The following ATP6V0A1 variants were observed in gnomAD, a reference collection of about 807,000 sequenced individuals.
ATP6V0A1 encodes the protein ATPase H+ transporting V0 subunit a1, also known as V-type proton ATPase 116 kDa subunit a 1.
A neutral mutation model predicts 105.4 loss-of-function variants in ATP6V0A1; 43 were observed. That is an observed-to-expected ratio of 0.41 (90% CI 0.32 to 0.53). The LOEUF is 0.53. Among genes scored for constraint, ATP6V0A1 ranks in the 20% least tolerant of loss-of-function variants. The pLI is 0.30. For synonymous variants in ATP6V0A1, 362 were observed against 372.8 expected (o/e 0.97, Z 0.33); for missense variants, 676 against 1,051.1 (o/e 0.64, Z 4.93).
rs201584527 is a variant in ATP6V0A1, at chr17:42,487,205, T to A, written c.861T>A (p.Ala287=). Reference sequence around the variant, plus strand: ...GCCAGAGGGTTCTGCAGGCAGCTGCTAAGAACATCCGTGTCTGGTTCATCA... The same window carrying A: ...GCCAGAGGGTTCTGCAGGCAGCTGCAAAGAACATCCGTGTCTGGTTCATCA... ...DHRQRVLQAA[A]KNIRVWFIKV... Residue 287 remains alanine, a synonymous_variant, in exon 10 of 22, where the codon GCT becomes GCA. Coordinates refer to ENST00000343619, the MANE Select transcript of ATP6V0A1 (RefSeq NM_001130021.3). The A allele has an allele frequency of 6.2e-7, 1 of 1,614,150 alleles. No individual in the cohort carries two copies. The highest frequency in any genetic ancestry group is 1.1e-5 in the South Asian group (1 of 91,080).
At chr17:42,493,579 C>G (rs1005721585) in intron 11 of ATP6V0A1, among the ~76,000 whole-genome samples, 3 of 151,968 alleles carry the variant, frequency 2.0e-5, no homozygotes, top group African/African-American at 7.3e-5. Context: ...GAGGATTGCT[C>G]AAGGCCACAA....
rs2092831732 is a variant in ATP6V0A1, at chr17:42,521,521, GTTT to G, written c.*402_*404del. On this transcript the variant is annotated 3_prime_UTR_variant, in exon 22 of 22. Transcript: ENST00000343619. The surrounding 1 kb of genome is among the most constrained non-coding windows in gnomAD (Gnocchi z 4.8). Reference sequence around the variant, plus strand: ...TGAGTTCCCTGCATCTGCCACCGTAGTTTCTAGCAGGAGTAGTGGGGGGAGTAA... The same window carrying G: ...TGAGTTCCCTGCATCTGCCACCGTAGCTAGCAGGAGTAGTGGGGGGAGTAA... 6.4e-6 allele frequency: 1 copy of G among 156,132 alleles called. No homozygotes were observed. Among genetic ancestry groups the G allele is most frequent in the Non-Finnish European group, 1.4e-5 (1 of 70,718 alleles). The allele number at this position is 156,132 out of a possible 1,614,324, so 9.7% of individuals were successfully genotyped here.
At position 42,499,074 on chromosome 17, in the gene ATP6V0A1, G is replaced by T. The variant is rs766455194; in HGVS notation, c.1679+32G>T. The stretch of plus-strand genomic sequence containing the variant: ...TGTTCCATTTCTGTCATAAGAATGT[G>T]CATAGTTTAGAGAATGCTTTTGTGT... On this transcript the variant is annotated intron_variant, in intron 15 of 21. Coordinates refer to ENST00000343619, the MANE Select transcript of ATP6V0A1 (RefSeq NM_001130021.3). 1.3e-5 allele frequency: 19 copies of T among 1,454,204 alleles called. No individual in the cohort carries two copies. The African/African-American group carries it at 2.5e-4, about 19-fold the overall frequency. 90.1% of individuals were successfully genotyped at this position (1,454,204 alleles called of 1,614,324 possible). A position where few individuals can be genotyped will look rare whatever the true frequency, so the allele number is the denominator to read the frequency against.
At chr17:42,469,958 A>G in intron 4 of ATP6V0A1, 132 bp from the exon 5 acceptor site, 1 of 925,050 alleles carries the variant, frequency 1.1e-6, no homozygotes, top group Non-Finnish European at 1.6e-6. Context: ...GTAAAATCAC[A>G]GTATTTGCTA....
intron 2 of ATP6V0A1, among the ~76,000 whole-genome samples, chr17:42,465,837 G>A (rs139543903): frequency 8.8e-4 from 133 of 151,800 alleles, no homozygotes; most frequent in Non-Finnish European, 1.6e-3. Flanking sequence ...ATGGTGGTGC[G>A]CACCTGTAAT....
intron 9 of ATP6V0A1, among the ~76,000 whole-genome samples, chr17:42,486,417 A>C (rs2090120809): frequency 6.6e-6 from 1 of 152,184 alleles, no homozygotes. Context: ...TCTCAAAAAA[A>C]AAAAATTAAA....
chr17:42,499,164 T>C (rs2146104958), intron 15 of ATP6V0A1, 122 bp downstream of exon 15: 1 of 769,686 alleles, frequency 1.3e-6, no homozygotes, highest in Non-Finnish European at 2.1e-6. Context: ...ATTATAGAAG[T>C]GCTTTTCTAA....
intron 12 of ATP6V0A1, chr17:42,494,756 T>C (rs1211183182): frequency 1.7e-5 from 8 of 470,534 alleles, no homozygotes; most frequent in Non-Finnish European, 2.2e-5. Context: ...AAAATAAAAA[T>C]TATTTAGGTT....
At position 42,500,901 on chromosome 17, in the gene ATP6V0A1, A is replaced by G; in HGVS notation, c.1874A>G (p.Tyr625Cys). Residue 625 changes from tyrosine (Y) to cysteine (C), a missense_variant, in exon 16 of 22, where the codon TAT becomes TGT. By Grantham distance (194) the Tyr-to-Cys change is radical. Transcript: ENST00000343619. ...MFLFSYPESG[Y>C]SMLYSGQKGI... ...CTCTTTTCCTACCCAGAGTCTGGTT[A>G]TTCAATGTTGTATTCTGGACAGGTA... 2 of 1,613,712 alleles carry G rather than the reference A, an allele frequency of 1.2e-6. No individual in the cohort carries two copies. The highest frequency in any genetic ancestry group is 1.7e-6 in the Non-Finnish European group (2 of 1,179,618).
intron 2 of ATP6V0A1, among the ~76,000 whole-genome samples, chr17:42,464,564 G>A (rs1044309035): frequency 2.6e-5 from 4 of 151,872 alleles, no homozygotes; most frequent in African/African-American, 7.3e-5. Flanking sequence ...TGCCACTCCC[G>A]GCTAATTTTT....
intron 13 of ATP6V0A1, 138 bp downstream of exon 13, chr17:42,495,326 C>T: frequency 1.0e-6 from 1 of 971,750 alleles, no homozygotes; most frequent in Non-Finnish European, 1.5e-6. Flanking sequence ...CTGTGAGTTG[C>T]TTTGTGATTT....
chr17:42,516,708 C>T (rs909396200), intron 21 of ATP6V0A1, among the ~76,000 whole-genome samples: 2 of 152,230 alleles, frequency 1.3e-5, no homozygotes, highest in Non-Finnish European at 2.9e-5. Flanking sequence ...GCTTGAGCCT[C>T]ATTTTGTTGC....
At chr17:42,472,245 C>T (rs754190727) in intron 5 of ATP6V0A1, among the ~76,000 whole-genome samples, 1 of 151,070 alleles carries the variant, frequency 6.6e-6, no homozygotes, top group Admixed American at 6.6e-5. Flanking sequence ...GTAGAGACAG[C>T]GTTTCACCAT....
At chr17:42,510,774 A>G (rs1266813759) in intron 19 of ATP6V0A1, 1 of 152,162 alleles carries the variant, frequency 6.6e-6, no homozygotes. Flanking sequence ...GTTGTAGGGT[A>G]TATTGGGTTG....
chr17:42,492,598 C>T (rs1364439347), intron 11 of ATP6V0A1, among the ~76,000 whole-genome samples: 1 of 149,156 alleles, frequency 6.7e-6, no homozygotes, highest in Non-Finnish European at 1.5e-5. Flanking sequence ...CTCAGCGACT[C>T]GGGAGGCTGA....
chr17:42,500,519 A>G (rs977846338), intron 15 of ATP6V0A1, among the ~76,000 whole-genome samples, 188 bp from the exon 16 acceptor site: 5 of 152,192 alleles, frequency 3.3e-5, no homozygotes, highest in African/African-American at 1.2e-4. Context: ...ACCAAGGTTC[A>G]AAAGTTTGAC....
At chr17:42,473,077 G>A (rs2088207955) in intron 5 of ATP6V0A1, among the ~76,000 whole-genome samples, 1 of 152,158 alleles carries the variant, frequency 6.6e-6, no homozygotes, top group Non-Finnish European at 1.5e-5. Context: ...AAGGGAAAGG[G>A]GAAAAACTCA....
At chr17:42,511,361 C>G (rs1435773915) in intron 19 of ATP6V0A1, 1 of 151,974 alleles carries the variant, frequency 6.6e-6, no homozygotes, top group Non-Finnish European at 1.5e-5. Context: ...TGGTGAAACC[C>G]CGTCTCTACT....
At chr17:42,503,124 T>C (rs1433095075) in intron 17 of ATP6V0A1, among the ~76,000 whole-genome samples, 1 of 152,198 alleles carries the variant, frequency 6.6e-6, no homozygotes, top group Non-Finnish European at 1.5e-5. Context: ...AGTGGCTTGT[T>C]GTACCCTCAC....
Sources: allele counts gnomAD v4.1 joint callset (sites outside exome capture counted in the v4.1 genomes callset), GRCh38; gene constraint gnomAD v4.1.1; non-coding constraint Gnocchi (gnomAD v3.1); transcripts MANE v1.5; gene names NCBI Gene and HGNC (gene_info 2026-07-23, HGNC 2026-07-21).